The following TRIM72 variants were observed in gnomAD, a reference collection of about 807,000 sequenced individuals.
The protein encoded by TRIM72 is tripartite motif containing 72.
In TRIM72, 33 loss-of-function variants were observed where a neutral mutation model predicts 31.6. The observed-to-expected ratio is 1.04, with a 90% CI of 0.79 to 1.40. The LOEUF is 1.40. Among genes scored for constraint, TRIM72 ranks in the 40% most tolerant of loss-of-function variants. The pLI is 0.00. For missense variants in TRIM72, 666 were observed against 682.7 expected, an observed-to-expected ratio of 0.98 and a Z score of 0.27; for synonymous variants, 301 against 314.4, an observed-to-expected ratio of 0.96 and a Z score of 0.45.
In TRIM72 at chr16:31,215,022, T is replaced by G. The variant is rs567360429; in HGVS notation, c.284T>G (p.Ile95Ser). Residue 95 changes from isoleucine (I) to serine (S), a missense_variant, in exon 2 of 7, where the codon ATC (isoleucine) becomes AGC (serine). Physicochemically the swap from Ile to Ser is moderately radical, Grantham distance 142 (BLOSUM62 -2). Coordinates refer to ENST00000322122, the MANE Select transcript of TRIM72 (RefSeq NM_001008274.4). This position sits in a 1 kb window ranked among gnomAD's most constrained non-coding sequence, Gnocchi z 6.3. ...GAGGAGCACCTGGACCCGCTGAGCA[T>G]CTACTGCGAGCAGGACCGCGCGCTG... Reference protein sequence around the residue: ...HCEEHLDPLSIYCEQDRALVC... With the variant: ...HCEEHLDPLSSYCEQDRALVC... 6.6e-7 allele frequency: 1 copy of G among 1,507,788 alleles called. No individual in the cohort carries two copies. The highest frequency in any genetic ancestry group is 1.4e-5 in the African/African-American group (1 of 69,286). The allele number at this position is 1,507,788 out of a possible 1,614,324, so 93.4% of individuals were successfully genotyped here.
chr16:31,223,798 TTGGGAGA>T (rs1275117520), intron 6 of TRIM72, among the ~76,000 whole-genome samples: 7 of 151,562 alleles, frequency 4.6e-5, no homozygotes, highest in Non-Finnish European at 1.0e-4. Context: ...TCCCAGCTAC[TTGGGAGA>T]TGGGAGATGG....
rs1386454611 is a variant in TRIM72 at position 31,214,870 on chromosome 16, G to A, written c.132G>A (p.Glu44=). Residue 44 remains glutamate (E), a synonymous_variant, in exon 2 of 7, where the codon GAG becomes GAA. Transcript: ENST00000322122. ...CRACLGRVAG[E]PAADGTVLCP... is the part of the protein sequence containing the mutation. Reference sequence around the variant, plus strand: ...CCTGCCTAGGCCGCGTGGCCGGGGAGCCGGCGGCGGATGGCACCGTTCTCT... The same window carrying A: ...CCTGCCTAGGCCGCGTGGCCGGGGAACCGGCGGCGGATGGCACCGTTCTCT... 5.2e-6 allele frequency: 8 copies of A among 1,531,416 alleles called. No homozygotes were observed. Among genetic ancestry groups the A allele is most frequent in the Middle Eastern group, 4.3e-4 (2 of 4,692 alleles). The allele number at this position is 1,531,416 out of a possible 1,614,324, so 94.9% of individuals were successfully genotyped here. A position where few individuals can be genotyped will look rare whatever the true frequency, so the allele number is the denominator to read the frequency against.
At chr16:31,221,680 GAGA>G (rs1223628268) in intron 5 of TRIM72, among the ~76,000 whole-genome samples, 4 of 143,950 alleles carry the variant, frequency 2.8e-5, no homozygotes, top group Non-Finnish European at 6.1e-5. Context: ...GCATTGCTGG[GAGA>G]AGAAGGGCAT....
chr16:31,217,248 G>A (rs995084820), intron 2 of TRIM72: 1 of 574,838 alleles, frequency 1.7e-6, no homozygotes, highest in African/African-American at 1.9e-5. Flanking sequence ...AAATTGTTGA[G>A]GTGGGGATTG....
In TRIM72 at chr16:31,222,829, TGCAGAAGATCCTG is replaced by T; in HGVS notation, c.749_761del (p.Lys250SerfsTer31). On this transcript the variant is annotated frameshift_variant, in exon 6 of 7. Coordinates refer to ENST00000322122, the MANE Select transcript of TRIM72 (RefSeq NM_001008274.4). LOFTEE classifies it high-confidence loss of function. ...CCCCTTCCCCTCCCCACCCCCAGGC[TGCAGAAGATCCTG>T]GCAGAGTCTCCCCCACCCGCCCGTC... The T allele has an allele frequency of 1.5e-6, 1 of 686,490 alleles. No homozygotes were observed. The highest frequency in any genetic ancestry group is 8.0e-5 in the East Asian group (1 of 12,490). 42.5% of individuals were successfully genotyped at this position (686,490 alleles called of 1,614,324 possible). A position where few individuals can be genotyped will look rare whatever the true frequency, so the allele number is the denominator to read the frequency against.
Position 31,215,167 on chromosome 16 carries a change from C to G in TRIM72, c.390+39C>G, listed in dbSNP as rs775154524. On this transcript the variant is annotated intron_variant, in intron 2 of 6. Coordinates refer to ENST00000322122, the MANE Select transcript of TRIM72 (RefSeq NM_001008274.4). This position sits in a 1 kb window ranked among gnomAD's most constrained non-coding sequence, Gnocchi z 6.3. ...GCGCATCGTGGTCGGAGGGGCTGTTCGGTGGCACGGGGCCGATGGGGAGGT... is the reference window on the plus strand; with the variant it reads ...GCGCATCGTGGTCGGAGGGGCTGTTGGGTGGCACGGGGCCGATGGGGAGGT... 2.1e-6 allele frequency: 3 copies of G among 1,416,398 alleles called. No individual in the cohort carries two copies. The highest frequency in any genetic ancestry group is 3.0e-5 in the African/African-American group (2 of 66,386). 87.7% of individuals were successfully genotyped at this position (1,416,398 alleles called of 1,614,324 possible).
In TRIM72 at chr16:31,230,751, C is replaced by A. The variant is rs532665750; in HGVS notation, c.*5996C>A. 1 of 139,800 alleles carries A rather than the reference C, an allele frequency of 7.2e-6. No homozygotes were observed. The highest frequency in any genetic ancestry group is 2.6e-5 in the African/African-American group (1 of 38,702). The allele number at this position is 139,800 out of a possible 1,614,324, so 8.7% of individuals were successfully genotyped here. A position where few individuals can be genotyped will look rare whatever the true frequency, so the allele number is the denominator to read the frequency against. On this transcript the variant is annotated 3_prime_UTR_variant, in exon 7 of 7. Coordinates refer to ENST00000322122, the MANE Select transcript of TRIM72 (RefSeq NM_001008274.4). Reference sequence around the variant, plus strand: ...AAAAAAAAAAAAAAAAAAAGGTAACCGGACTCTTTGTTCAGGGCTCAGTCT... The same window carrying A: ...AAAAAAAAAAAAAAAAAAAGGTAACAGGACTCTTTGTTCAGGGCTCAGTCT...
chr16:31,218,188 C>A (rs2079518649), intron 2 of TRIM72, among the ~76,000 whole-genome samples: 1 of 152,076 alleles, frequency 6.6e-6, no homozygotes, highest in Non-Finnish European at 1.5e-5. Context: ...AAGACCTGTG[C>A]TATGGGGCTG....
chr16:31,228,783 C>T lies in TRIM72; in HGVS notation c.*4028C>T, dbSNP rs1229088123. On this transcript the variant is annotated 3_prime_UTR_variant, in exon 7 of 7. Transcript: ENST00000322122. ...ATTTTTAGTAGAGGCGGGGTTTTGCCATGTTGGCCAGGCTGATCTCGAACT... is the reference window on the plus strand; with the variant it reads ...ATTTTTAGTAGAGGCGGGGTTTTGCTATGTTGGCCAGGCTGATCTCGAACT... 3 of 152,082 alleles carry T rather than the reference C, an allele frequency of 2.0e-5. No homozygotes were observed. Among genetic ancestry groups the T allele is most frequent in the South Asian group, 2.1e-4 (1 of 4,812 alleles). 9.4% of individuals were successfully genotyped at this position (152,082 alleles called of 1,614,324 possible).
At position 31,226,197 on chromosome 16, in the gene TRIM72, C is replaced by A. The variant is rs2079554678; in HGVS notation, c.*1442C>A. 6.6e-6 allele frequency: 1 copy of A among 152,150 alleles called. No homozygotes were observed. Among genetic ancestry groups the A allele is most frequent in the Non-Finnish European group, 1.5e-5 (1 of 68,034 alleles). The allele number at this position is 152,150 out of a possible 1,614,324, so 9.4% of individuals were successfully genotyped here. The stretch of plus-strand genomic sequence containing the variant: ...CTGACCTAGTGCACAACCCATTGGG[C>A]TCTTCACTGTCAGTGTAGAGGCATA... On this transcript the variant is annotated 3_prime_UTR_variant, in exon 7 of 7. Coordinates refer to ENST00000322122, the MANE Select transcript of TRIM72 (RefSeq NM_001008274.4).
chr16:31,214,620 C>A (rs1364805384), intron 1 of TRIM72, 112 bp from the exon 2 acceptor site: 4 of 1,207,880 alleles, frequency 3.3e-6, no homozygotes, highest in Non-Finnish European at 4.3e-6. Flanking sequence ...TCTTTACAGG[C>A]TGGGGCTTCT....
At chr16:31,214,663 G>T in intron 1 of TRIM72, 69 bp from the exon 2 acceptor site, 1 of 1,397,446 alleles carries the variant, frequency 7.2e-7, no homozygotes. Flanking sequence ...CCTGGGCTAG[G>T]GCTGGGCCAG....
chr16:31,220,746 C>A, intron 4 of TRIM72, 150 bp from the exon 5 acceptor site: 2 of 1,022,478 alleles, frequency 2.0e-6, no homozygotes, highest in Non-Finnish European at 3.0e-6. Flanking sequence ...GTTGAGATTA[C>A]AGGCATGAGC....
In TRIM72 at chr16:31,224,771, G is replaced by A; in HGVS notation, c.*16G>A. 6.9e-7 allele frequency: 1 copy of A among 1,453,290 alleles called. No homozygotes were observed. The highest frequency in any genetic ancestry group is 2.6e-5 in the Admixed American group (1 of 38,620). 90.0% of individuals were successfully genotyped at this position (1,453,290 alleles called of 1,614,324 possible). On this transcript the variant is annotated 3_prime_UTR_variant, in exon 7 of 7. Coordinates refer to ENST00000322122, the MANE Select transcript of TRIM72 (RefSeq NM_001008274.4). ...CGAGGCCTGAGCCGCCGGACGGGTAGTGGAGGGGCGCGGGGGCCTGGGTTG... is the reference window on the plus strand; with the variant it reads ...CGAGGCCTGAGCCGCCGGACGGGTAATGGAGGGGCGCGGGGGCCTGGGTTG...
rs1264755347 is a variant in TRIM72, at chr16:31,214,911, C to T, written c.173C>T (p.Ala58Val). The change falls in exon 2 of 7, where the codon GCC becomes GTC. Residue 58 changes from alanine (A) to valine (V), a missense_variant. Transcript: ENST00000322122. ...ACCGTTCTCTGCCCCTGCTGCCAGG[C>T]CCCCACGCGGCCGCAGGCACTCAGC... Reference protein sequence around the residue: ...DGTVLCPCCQAPTRPQALSTN... With the variant: ...DGTVLCPCCQVPTRPQALSTN... 10 of 1,514,698 alleles carry T rather than the reference C, an allele frequency of 6.6e-6. No individual in the cohort carries two copies. Among genetic ancestry groups the T allele is most frequent in the East Asian group, 5.2e-5 (2 of 38,800 alleles). 93.8% of individuals were successfully genotyped at this position (1,514,698 alleles called of 1,614,324 possible). A position where few individuals can be genotyped will look rare whatever the true frequency, so the allele number is the denominator to read the frequency against.
Position 31,214,957 on chromosome 16 carries a change from C to G in TRIM72, c.219C>G (p.Arg73=). 6.7e-7 allele frequency: 1 copy of G among 1,489,298 alleles called. No individual in the cohort carries two copies. Among genetic ancestry groups the G allele is most frequent in the Non-Finnish European group, 8.9e-7 (1 of 1,128,016 alleles). The allele number at this position is 1,489,298 out of a possible 1,614,324, so 92.3% of individuals were successfully genotyped here. A position where few individuals can be genotyped will look rare whatever the true frequency, so the allele number is the denominator to read the frequency against. The change falls in exon 2 of 7, where the codon CGC becomes CGG. Residue 73 remains arginine, a synonymous_variant. Transcript: ENST00000322122. ...QALSTNLQLA[R]LVEGLAQVPQ... ...TCAGCACCAACCTGCAGCTGGCGCG[C>G]CTGGTGGAGGGGCTGGCCCAGGTGC... is the stretch of plus-strand genomic sequence containing the variant.
At chr16:31,214,593 C>A in intron 1 of TRIM72, 139 bp from the exon 2 acceptor site, 1 of 960,798 alleles carries the variant, frequency 1.0e-6, no homozygotes, top group Non-Finnish European at 1.4e-6. Flanking sequence ...GAGTCCCATC[C>A]AGTGTAGGAT....
In TRIM72 at chr16:31,220,632, C is replaced by A. The variant is rs147406120; in HGVS notation, c.718-264C>A. 2.1e-3 allele frequency among the ~76,000 whole-genome samples: 316 copies of A among 151,434 alleles called. 1 individual carries two copies. The highest frequency in any genetic ancestry group is 3.1e-3 in the Non-Finnish European group (212 of 67,850). ...TACAGGTGCCTGCCACCATGCCCAG[C>A]TATTTTTTTTGTATTTTTAGTAGAG... is the stretch of plus-strand genomic sequence containing the variant. On this transcript the variant is annotated intron_variant, in intron 4 of 6. Coordinates refer to ENST00000322122, the MANE Select transcript of TRIM72 (RefSeq NM_001008274.4).
chr16:31,217,055 C>T lies in TRIM72; in HGVS notation c.390+1927C>T. On this transcript the variant is annotated intron_variant, in intron 2 of 6. Transcript: ENST00000322122. ...GCTCAGCCCTGCGCCTCTGAGCCTC[C>T]GAGGGCCTGGAGCCATCAGGTCCTA... 2.5e-6 allele frequency: 4 copies of T among 1,598,930 alleles called. No homozygotes were observed. The South Asian group carries it at 4.4e-5, about 18-fold the overall frequency.
Sources: gnomAD v4.1 joint callset for allele counts (sites outside exome capture counted in the v4.1 genomes callset) on GRCh38, gnomAD v4.1.1 for gene constraint, Gnocchi (gnomAD v3.1) non-coding constraint, MANE v1.5 for transcripts, NCBI Gene and HGNC (gene_info 2026-07-23, HGNC 2026-07-21) for gene names.